Variants in CDKAL1 observed in about 807,000 individuals in gnomAD.
The protein encoded by CDKAL1 is CDKAL1 threonylcarbamoyladenosine tRNA methylthiotransferase.
CDKAL1 carries 32 observed loss-of-function variants against 68.2 expected under a neutral mutation model. The observed-to-expected ratio is 0.47, with a 90% CI of 0.35 to 0.63. The LOEUF (loss-of-function observed/expected upper bound fraction) is 0.63, where lower values mean the gene tolerates loss of function less well. Among genes scored for constraint, CDKAL1 ranks in the 30% least tolerant of loss-of-function variants. The pLI, the probability that CDKAL1 is intolerant of heterozygous loss-of-function variation, is 0.00. For synonymous variants in CDKAL1, 234 were observed against 244.3 expected (o/e 0.96, Z 0.39); for missense variants, 606 against 696.7 (o/e 0.87, Z 1.47).
Position 21,051,217 on chromosome 6 carries a change from TGTG to T in CDKAL1, c.1056-13824_1056-13822del, listed in dbSNP as rs561174306. ...CAAAAAATAAACAAAATTAGCCAGATGTGGTGGTGCACACCTGTAATCTCGGCT... is the reference window on the plus strand; with the variant it reads ...CAAAAAATAAACAAAATTAGCCAGATGTGGTGCACACCTGTAATCTCGGCT... On this transcript the variant is annotated intron_variant, in intron 11 of 15. Transcript: ENST00000274695. Among the ~76,000 whole-genome samples, 189 of 152,274 alleles carry T rather than the reference TGTG, an allele frequency of 1.2e-3. 2 individuals carry two copies. Among genetic ancestry groups the T allele is most frequent in the African/African-American group, 4.0e-3 (166 of 41,542 alleles).
intron 5 of CDKAL1, among the ~76,000 whole-genome samples, chr6:20,694,042 T>TTGTGTGTGTGTGTGTATGTGTGTG (rs1261180037): frequency 8.7e-6 from 1 of 114,402 alleles, no homozygotes; most frequent in African/African-American, 4.2e-5. Context: ...CCGGCTAACT[T>TTGTGTGTGTGTGTGTATGTGTGTG]TGTGTGTGTG....
intron 4 of CDKAL1, among the ~76,000 whole-genome samples, chr6:20,644,411 C>T (rs1328769572): frequency 6.6e-6 from 1 of 152,138 alleles, no homozygotes; most frequent in Non-Finnish European, 1.5e-5. Flanking sequence ...GGCGTGGTGG[C>T]TCACGCCTTT....
At chr6:20,829,427 C>A (rs191445986) in intron 8 of CDKAL1, among the ~76,000 whole-genome samples, 1 of 152,068 alleles carries the variant, frequency 6.6e-6, no homozygotes, top group Non-Finnish European at 1.5e-5. Context: ...AGATTCATTT[C>A]GATTCCTATA....
chr6:21,220,473 C>A (rs940255358), intron 15 of CDKAL1, among the ~76,000 whole-genome samples: 2 of 152,266 alleles, frequency 1.3e-5, no homozygotes, highest in African/African-American at 4.8e-5. Flanking sequence ...TCTCTGATAG[C>A]ATACCTTCTT....
intron 12 of CDKAL1, among the ~76,000 whole-genome samples, chr6:21,074,112 A>G (rs1157286908): frequency 6.6e-6 from 1 of 152,196 alleles, no homozygotes; most frequent in Admixed American, 6.5e-5. Flanking sequence ...GGGGCTTCAA[A>G]CAACAGAAAT....
At chr6:20,767,029 A>C (rs1774732570) in intron 7 of CDKAL1, among the ~76,000 whole-genome samples, 1 of 152,136 alleles carries the variant, frequency 6.6e-6, no homozygotes, top group African/African-American at 2.4e-5. Context: ...CATTTTTTTC[A>C]TGTTATATTC....
intron 4 of CDKAL1, among the ~76,000 whole-genome samples, chr6:20,588,934 A>T (rs1765482799): frequency 6.6e-6 from 1 of 152,208 alleles, no homozygotes; most frequent in African/African-American, 2.4e-5. Context: ...TGTTTATTTT[A>T]TAAAATGGAA....
At chr6:20,835,511 C>CTT (rs374003250) in intron 8 of CDKAL1, among the ~76,000 whole-genome samples, 2 of 141,960 alleles carry the variant, frequency 1.4e-5, no homozygotes, top group African/African-American at 5.3e-5. Flanking sequence ...CTTGTCTTGT[C>CTT]TTGTCTTGTC....
intron 5 of CDKAL1, among the ~76,000 whole-genome samples, chr6:20,659,316 A>G (rs1034712374): frequency 3.3e-5 from 5 of 152,138 alleles, no homozygotes; most frequent in African/African-American, 7.2e-5. Context: ...AACTCTTCTA[A>G]TTATATGAAA....
intron 5 of CDKAL1, among the ~76,000 whole-genome samples, chr6:20,736,131 T>G (rs1047741650): frequency 3.4e-5 from 5 of 148,360 alleles, no homozygotes; most frequent in African/African-American, 9.7e-5. Context: ...TATTTCTTTT[T>G]TTTTTTTCTC....
intron 4 of CDKAL1, among the ~76,000 whole-genome samples, chr6:20,602,695 A>G (rs924768213): frequency 6.6e-6 from 1 of 152,096 alleles, no homozygotes. Flanking sequence ...TTCTTTCTCC[A>G]TGATTCCTCA....
At chr6:20,772,919 A>G (rs1775007720) in intron 7 of CDKAL1, 1 of 152,224 alleles carries the variant, frequency 6.6e-6, no homozygotes, top group Non-Finnish European at 1.5e-5. Context: ...TGGTAACATC[A>G]GTACCTTAGT....
chr6:21,144,218 C>T (rs1362745793), intron 13 of CDKAL1, among the ~76,000 whole-genome samples: 2 of 152,172 alleles, frequency 1.3e-5, no homozygotes, highest in African/African-American at 4.8e-5. Context: ...CTTCTTTGGT[C>T]CTCAGTTTTC....
chr6:21,171,238 A>G lies in CDKAL1; in HGVS notation c.1300-26783A>G, dbSNP rs184189202. Among the ~76,000 whole-genome samples, 7 of 152,032 alleles carry G rather than the reference A, an allele frequency of 4.6e-5. No homozygotes were observed. In the East Asian group the frequency reaches 1.4e-3, roughly 29 times the overall value. The stretch of plus-strand genomic sequence containing the variant: ...AAGTTACTTCTTTTTTTTGAGACAG[A>G]GTCTTGCTGTGATGCCCAGGCTGAA... On this transcript the variant is annotated intron_variant, in intron 13 of 15. Coordinates refer to ENST00000274695, the MANE Select transcript of CDKAL1 (RefSeq NM_017774.3).
At chr6:20,852,735 T>G (rs1470362158) in intron 9 of CDKAL1, among the ~76,000 whole-genome samples, 1 of 152,216 alleles carries the variant, frequency 6.6e-6, no homozygotes, top group Non-Finnish European at 1.5e-5. Context: ...GTCAGTGGTG[T>G]TTAAACTTTT....
At chr6:20,994,576 T>C (rs1436530073) in intron 10 of CDKAL1, among the ~76,000 whole-genome samples, 1 of 152,188 alleles carries the variant, frequency 6.6e-6, no homozygotes, top group Admixed American at 6.5e-5. Context: ...TTATTTAAAG[T>C]GTCTTCATTG....
At chr6:20,818,140 C>A (rs1474760866) in intron 8 of CDKAL1, among the ~76,000 whole-genome samples, 1 of 152,044 alleles carries the variant, frequency 6.6e-6, no homozygotes, top group African/African-American at 2.4e-5. Flanking sequence ...TACACAATGT[C>A]TTTTTTGGTC....
At chr6:20,709,934 T>C (rs1376463408) in intron 5 of CDKAL1, among the ~76,000 whole-genome samples, 3 of 152,202 alleles carry the variant, frequency 2.0e-5, no homozygotes, top group East Asian at 1.9e-4. Context: ...CTCCCGAGTA[T>C]TGGCAAAGGC....
chr6:21,167,954 A>G (rs913682171), intron 13 of CDKAL1, among the ~76,000 whole-genome samples: 4 of 152,180 alleles, frequency 2.6e-5, no homozygotes. Context: ...CACACCCAAG[A>G]AAGTATACTA....
Sources: gnomAD v4.1 joint callset for allele counts (sites outside exome capture counted in the v4.1 genomes callset) on GRCh38, gnomAD v4.1.1 for gene constraint, MANE v1.5 for transcripts, NCBI Gene and HGNC (gene_info 2026-07-23, HGNC 2026-07-21) for gene names.